TTLL5: variants seen among roughly 807,000 people sequenced by gnomAD.
TTLL5 encodes tubulin polyglutamylase TTLL5.
TTLL5 carries 132 observed loss-of-function variants against 168.4 expected under a neutral mutation model. The observed-to-expected ratio is 0.78, with a 90% CI of 0.68 to 0.91. The LOEUF is 0.91. Ranked by LOEUF, TTLL5 falls within the 40% of genes least tolerant of loss-of-function variation. The pLI, the probability that TTLL5 is intolerant of heterozygous loss-of-function variation, is 0.00. For synonymous variants in TTLL5, 546 were observed against 558.6 expected (o/e 0.98, Z 0.32); for missense variants, 1,545 against 1,581.5 (o/e 0.98, Z 0.39).
intron 26 of TTLL5, among the ~76,000 whole-genome samples, chr14:75,790,137 AT>A (rs1370514454): frequency 1.3e-5 from 2 of 152,194 alleles, no homozygotes; most frequent in African/African-American, 4.8e-5. Flanking sequence ...GGTAATTGTT[AT>A]CCCCACAGAG....
chr14:75,760,507 A>C (rs917288010), intron 18 of TTLL5, among the ~76,000 whole-genome samples: 4 of 152,064 alleles, frequency 2.6e-5, no homozygotes, highest in Non-Finnish European at 2.9e-5. Context: ...TTATATTCAA[A>C]TACAAAGGAC....
chr14:75,951,821 TAAAAACCAA>T (rs944859312), intron 31 of TTLL5, among the ~76,000 whole-genome samples: 2 of 152,060 alleles, frequency 1.3e-5, no homozygotes, highest in African/African-American at 4.8e-5. Flanking sequence ...TTGTAATACA[TAAAAACCAA>T]AAAGTTAGTA....
chr14:75,817,877 G>A (rs1204621621), intron 27 of TTLL5, among the ~76,000 whole-genome samples: 12 of 118,672 alleles, frequency 1.0e-4, no homozygotes, highest in African/African-American at 3.7e-4. Context: ...TCACTCTGTC[G>A]CCCAGGCTGG....
At chr14:75,949,602 GC>G (rs2140216948) in intron 31 of TTLL5, among the ~76,000 whole-genome samples, 1 of 151,924 alleles carries the variant, frequency 6.6e-6, no homozygotes, top group South Asian at 2.1e-4. Flanking sequence ...TGTAATCCTA[GC>G]ACTTTGGGAG....
intron 27 of TTLL5, among the ~76,000 whole-genome samples, chr14:75,804,310 C>G (rs1475565732): frequency 6.6e-6 from 1 of 152,240 alleles, no homozygotes; most frequent in Admixed American, 6.5e-5. Context: ...AACTCTCTCA[C>G]TCTCTCTATA....
Position 75,707,706 on chromosome 14 carries a change from AG to A in TTLL5, c.740+1del. ...CTATCTCTATGAAGAAGGATTGGCT[AG>A]GTAAGAAGCTGTTTGGGGGTGAAGG... ...VIYLYEEGLARFATVRYDQGA... is the reference protein window; with the variant it reads ...VIYLYEEGLAXFATVRYDQGA... On this transcript the variant is annotated frameshift_variant and splice_region_variant, in exon 9 of 32. Transcript: ENST00000298832. LOFTEE classifies it high-confidence loss of function. The A allele has an allele frequency of 1.5e-6, 2 of 1,345,112 alleles. No homozygotes were observed. The highest frequency in any genetic ancestry group is 2.0e-6 in the Non-Finnish European group (2 of 978,510). 83.3% of individuals were successfully genotyped at this position (1,345,112 alleles called of 1,614,324 possible). A position where few individuals can be genotyped will look rare whatever the true frequency, so the allele number is the denominator to read the frequency against.
intron 27 of TTLL5, among the ~76,000 whole-genome samples, chr14:75,804,140 A>G (rs550228132): frequency 1.2e-4 from 19 of 152,088 alleles, no homozygotes; most frequent in Non-Finnish European, 1.8e-4. Context: ...AGGGGAGGAG[A>G]TACTTTTTGC....
intron 12 of TTLL5, among the ~76,000 whole-genome samples, chr14:75,731,833 A>C (rs1369109934): frequency 6.6e-6 from 1 of 152,168 alleles, no homozygotes; most frequent in African/African-American, 2.4e-5. Flanking sequence ...AAGTTGCAAA[A>C]GCAATATCTT....
At chr14:75,923,408 T>G (rs1168319120) in intron 31 of TTLL5, among the ~76,000 whole-genome samples, 1 of 152,252 alleles carries the variant, frequency 6.6e-6, no homozygotes, top group Non-Finnish European at 1.5e-5. Context: ...TGGTACGTTG[T>G]GTCTTTGTTC....
chr14:75,759,628 A>G (rs1890505168), intron 18 of TTLL5, among the ~76,000 whole-genome samples: 1 of 152,096 alleles, frequency 6.6e-6, no homozygotes, highest in South Asian at 2.1e-4. Flanking sequence ...ATAGACACAA[A>G]ATTTCTTAAT....
chr14:75,782,252 G>A (rs1892104564), intron 24 of TTLL5, among the ~76,000 whole-genome samples: 2 of 152,050 alleles, frequency 1.3e-5, no homozygotes. Context: ...TTTAGGTACC[G>A]TTCGCCAGTT....
chr14:75,713,023 C>T (rs1246485435), intron 9 of TTLL5, among the ~76,000 whole-genome samples: 3 of 152,124 alleles, frequency 2.0e-5, no homozygotes, highest in African/African-American at 4.8e-5. Flanking sequence ...GCTTAAAGGT[C>T]AAAGCCTTAA....
Position 75,773,907 on chromosome 14 carries a change from C to T in TTLL5, c.2137-1577C>T, listed in dbSNP as rs868842873. Reference sequence around the variant, plus strand: ...ACCGTCTCAAAAAAAAAAAAAAATACATATATATATATATATATATAGAGA... The same window carrying T: ...ACCGTCTCAAAAAAAAAAAAAAATATATATATATATATATATATATAGAGA... On this transcript the variant is annotated intron_variant, in intron 21 of 31. Coordinates refer to ENST00000298832, the MANE Select transcript of TTLL5 (RefSeq NM_015072.5). Among the ~76,000 whole-genome samples the T allele has an allele frequency of 3.2e-3, 93 of 28,792 alleles. 1 individual carries two copies. Among genetic ancestry groups the T allele is most frequent in the African/African-American group, 7.6e-3 (73 of 9,582 alleles). 18.9% of individuals were successfully genotyped at this position (28,792 alleles called of 152,430 possible).
intron 28 of TTLL5, among the ~76,000 whole-genome samples, chr14:75,825,110 G>T (rs537064690): frequency 6.6e-6 from 1 of 152,230 alleles, no homozygotes; most frequent in East Asian, 1.9e-4. Flanking sequence ...GTTGTTGTAA[G>T]ATTAAACTGA....
rs764654374 is a variant in TTLL5, at chr14:75,863,771, G to T, written c.3431G>T (p.Gly1144Val). 1.9e-6 allele frequency: 3 copies of T among 1,613,710 alleles called. No individual in the cohort carries two copies. Among genetic ancestry groups the T allele is most frequent in the Non-Finnish European group, 2.5e-6 (3 of 1,179,936 alleles). ...CAGCACAAGTATCACCCCACAGCAGGCAGCTATCAGCTTCAATTTGCCCTG... is the reference window on the plus strand; with the variant it reads ...CAGCACAAGTATCACCCCACAGCAGTCAGCTATCAGCTTCAATTTGCCCTG... ...VPQHKYHPTA[G>V]SYQLQFALQQ... Residue 1144 changes from glycine to valine, a missense_variant, in exon 29 of 32, where the codon GGC becomes GTC. Gly to Val is a moderately radical substitution (Grantham distance 109, BLOSUM62 -3). Transcript: ENST00000298832.
At chr14:75,771,985 T>A in intron 21 of TTLL5, 131 bp downstream of exon 21, 2 of 1,014,026 alleles carry the variant, frequency 2.0e-6, no homozygotes, top group African/African-American at 1.6e-5. Flanking sequence ...AAGAAGGTTT[T>A]TAGATTTCTT....
rs1361471007 is a variant in TTLL5, at chr14:75,948,678, AAAT to A, written c.3824-5738_3824-5736del. ...TAAGTCAAAAGAAAGTAAAAACCAA[AAAT>A]AATAATAGCAATAATAAAGATATAG... On this transcript the variant is annotated intron_variant, in intron 31 of 31. Coordinates refer to ENST00000298832, the MANE Select transcript of TTLL5 (RefSeq NM_015072.5). 5.9e-5 allele frequency among the ~76,000 whole-genome samples: 9 copies of A among 152,128 alleles called. No homozygotes were observed. The East Asian group carries it at 1.7e-3, about 29-fold the overall frequency.
chr14:75,743,572 G>C (rs1412454706), intron 15 of TTLL5, among the ~76,000 whole-genome samples: 1 of 115,076 alleles, frequency 8.7e-6, no homozygotes, highest in East Asian at 2.6e-4. Context: ...CTCTGGCATC[G>C]CTCTTTTTTT....
intron 17 of TTLL5, 108 bp from the exon 18 acceptor site, chr14:75,752,785 C>A: frequency 1.1e-6 from 1 of 915,734 alleles, no homozygotes; most frequent in Non-Finnish European, 1.7e-6. Flanking sequence ...TCATTAAAAA[C>A]AGTATATAAG....
Sources: gnomAD v4.1 joint callset for allele counts (sites outside exome capture counted in the v4.1 genomes callset) on GRCh38, gnomAD v4.1.1 for gene constraint, MANE v1.5 for transcripts, NCBI Gene and HGNC (gene_info 2026-07-23, HGNC 2026-07-21) for gene names.